Variants in PREX2 observed in about 807,000 individuals in gnomAD.
The protein encoded by PREX2 is phosphatidylinositol-3,4,5-trisphosphate dependent Rac exchange factor 2.
In PREX2, 107 loss-of-function variants were observed where a neutral mutation model predicts 203.2. That is an observed-to-expected ratio of 0.53 (90% CI 0.45 to 0.62). The LOEUF (loss-of-function observed/expected upper bound fraction) is 0.62. Ranked by LOEUF, PREX2 falls within the 20% of genes least tolerant of loss-of-function variation. The probability of loss-of-function intolerance (pLI) is 0.00; values close to 1 mark genes in which losing one functional copy is unlikely to be tolerated. For synonymous variants in PREX2, 672 were observed against 663.6 expected, an observed-to-expected ratio of 1.01 and a Z score of -0.19; for missense variants, 1,777 against 1,955.9, an observed-to-expected ratio of 0.91 and a Z score of 1.72.
At chr8:68,111,059 T>A in intron 25 of PREX2, 1 of 264,760 alleles carries the variant, frequency 3.8e-6, no homozygotes, top group Non-Finnish European at 7.6e-6. Context: ...ATATTTTACT[T>A]CATTTAATAA....
intron 23 of PREX2, chr8:68,103,089 T>C (rs957281268): frequency 9.5e-6 from 4 of 421,832 alleles, no homozygotes; most frequent in Non-Finnish European, 1.9e-5. Flanking sequence ...ATTTAACATA[T>C]ATTCAAGAGA....
At chr8:67,965,010 T>A (rs1411733095) in intron 1 of PREX2, among the ~76,000 whole-genome samples, 1 of 152,162 alleles carries the variant, frequency 6.6e-6, no homozygotes, top group Non-Finnish European at 1.5e-5. Flanking sequence ...CCAAGGCAGT[T>A]GCTGGAGTAG....
At chr8:68,085,317 A>G (rs1383380306) in intron 18 of PREX2, among the ~76,000 whole-genome samples, 4 of 152,208 alleles carry the variant, frequency 2.6e-5, no homozygotes, top group African/African-American at 4.8e-5. Context: ...TTTACATTGT[A>G]TAGCATACTC....
chr8:68,100,357 C>G, intron 23 of PREX2: 2 of 365,532 alleles, frequency 5.5e-6, no homozygotes, highest in South Asian at 4.3e-5. Flanking sequence ...GACAATTTCT[C>G]TCCTCTCATG....
At chr8:68,149,851 G>A (rs1381639732) in intron 34 of PREX2, among the ~76,000 whole-genome samples, 1 of 152,196 alleles carries the variant, frequency 6.6e-6, no homozygotes, top group African/African-American at 2.4e-5. Flanking sequence ...CTAGGTCTGT[G>A]TGGATTATGA....
At chr8:68,127,599 A>AAT (rs111771754) in intron 31 of PREX2, among the ~76,000 whole-genome samples, 180 bp downstream of exon 31, 3,466 of 150,776 alleles carry the variant, frequency 0.023, 110 homozygotes, top group African/African-American at 0.07. Flanking sequence ...TAAAAATGCA[A>AAT]ATATATATAT....
chr8:68,174,053 A>G (rs1205954853), intron 35 of PREX2, among the ~76,000 whole-genome samples: 4 of 152,212 alleles, frequency 2.6e-5, no homozygotes, highest in African/African-American at 9.6e-5. Context: ...TCTTAAAAAT[A>G]TATTCAAGGC....
chr8:68,036,719 G>T (rs1442558976), intron 6 of PREX2, among the ~76,000 whole-genome samples: 1 of 152,170 alleles, frequency 6.6e-6, no homozygotes, highest in Non-Finnish European at 1.5e-5. Flanking sequence ...GCTGAGGTGG[G>T]TGGATCACCT....
rs1807612929 is a variant in PREX2 at position 68,022,990 on chromosome 8, C to T, written c.441+850C>T. On this transcript the variant is annotated intron_variant, in intron 4 of 39. Transcript: ENST00000288368. ...TTCATTTTAATTGCAAAATACTGTT[C>T]CATTGTATGGATATGCTGTATTTTG... Among the ~76,000 whole-genome samples, 4 of 152,112 alleles carry T rather than the reference C, an allele frequency of 2.6e-5. No homozygotes were observed. The South Asian group carries it at 8.3e-4, about 32-fold the overall frequency.
At chr8:68,010,951 G>C (rs937814863) in intron 1 of PREX2, among the ~76,000 whole-genome samples, 1 of 152,124 alleles carries the variant, frequency 6.6e-6, no homozygotes, top group African/African-American at 2.4e-5. Context: ...AGATCTTCAT[G>C]AATCAAATGA....
At chr8:68,114,263 C>T in intron 25 of PREX2, 1 of 495,642 alleles carries the variant, frequency 2.0e-6, no homozygotes, top group South Asian at 1.5e-5. Flanking sequence ...TTATTCAATG[C>T]ACAGCATTGG....
intron 2 of PREX2, among the ~76,000 whole-genome samples, 158 bp from the exon 3 acceptor site, chr8:68,019,391 C>T (rs1001380761): frequency 2.0e-5 from 3 of 152,086 alleles, no homozygotes; most frequent in East Asian, 1.9e-4. Context: ...GTGTCGGCGG[C>T]GTGAAGGGGA....
chr8:68,192,541 G>T lies in PREX2; in HGVS notation c.4604+16G>T, dbSNP rs374663306. The T allele has an allele frequency of 6.4e-7, 1 of 1,563,060 alleles. No individual in the cohort carries two copies. Among genetic ancestry groups the T allele is most frequent in the East Asian group, 2.3e-5 (1 of 43,768 alleles). On this transcript the variant is annotated intron_variant, in intron 37 of 39. Transcript: ENST00000288368. ...GTGTGCATCGGTATGTGACCCTCCC[G>T]CCTTGCTTGCCTCTTTGTTAGATCA... is the stretch of plus-strand genomic sequence containing the variant.
At chr8:68,016,102 T>G (rs771945352) in intron 1 of PREX2, among the ~76,000 whole-genome samples, 11 of 152,192 alleles carry the variant, frequency 7.2e-5, no homozygotes, top group Non-Finnish European at 1.0e-4. Flanking sequence ...TAAATAGTCT[T>G]GTTCCTCTTT....
intron 39 of PREX2, among the ~76,000 whole-genome samples, chr8:68,229,110 T>G (rs888154571): frequency 2.6e-5 from 4 of 152,182 alleles, no homozygotes; most frequent in African/African-American, 9.7e-5. Flanking sequence ...GCGTTTACTT[T>G]GTGGTCTCCT....
chr8:68,077,120 G>C (rs1019110384), intron 14 of PREX2, among the ~76,000 whole-genome samples: 1 of 152,138 alleles, frequency 6.6e-6, no homozygotes, highest in African/African-American at 2.4e-5. Flanking sequence ...CATCATTTAT[G>C]GTAGCAATAA....
At chr8:68,073,227 T>C (rs1349810311) in intron 14 of PREX2, among the ~76,000 whole-genome samples, 1 of 150,638 alleles carries the variant, frequency 6.6e-6, no homozygotes, top group Non-Finnish European at 1.5e-5. Flanking sequence ...CTAGATCAAC[T>C]AGTAAATGAT....
In PREX2 at chr8:68,044,508, A is replaced by G. The variant is rs1808287782; in HGVS notation, c.861A>G (p.Ala287=). The stretch of plus-strand genomic sequence containing the variant: ...TAAGACGGTTGAAGAACAGCAAGGC[A>G]TCTACAGATGGACATCGGTACCTTT... ...RKHRRLKNSK[A]STDGHRYLFR... The change falls in exon 8 of 40, where the codon GCA becomes GCG. Residue 287 remains alanine (A), a synonymous_variant. Transcript: ENST00000288368. 1 of 1,612,514 alleles carries G rather than the reference A, an allele frequency of 6.2e-7. No individual in the cohort carries two copies. Among genetic ancestry groups the G allele is most frequent in the South Asian group, 1.1e-5 (1 of 90,986 alleles).
intron 34 of PREX2, among the ~76,000 whole-genome samples, chr8:68,149,085 T>C (rs192036572): frequency 7.9e-5 from 12 of 152,288 alleles, no homozygotes; most frequent in Admixed American, 4.6e-4. Flanking sequence ...ATAGAAGAAA[T>C]GGATGAATTT....
Sources: gnomAD v4.1 joint callset for allele counts (sites outside exome capture counted in the v4.1 genomes callset) on GRCh38, gnomAD v4.1.1 for gene constraint, MANE v1.5 for transcripts, NCBI Gene and HGNC (gene_info 2026-07-23, HGNC 2026-07-21) for gene names.